The following GSTA4 variants were observed in gnomAD, a reference collection of about 807,000 sequenced individuals.
GSTA4 encodes glutathione S-transferase A4.
GSTA4 carries 15 observed loss-of-function variants against 24.4 expected under a neutral mutation model. The observed-to-expected ratio is 0.61, with a 90% CI of 0.41 to 0.95. The LOEUF (loss-of-function observed/expected upper bound fraction) is 0.95. Among genes scored for constraint, GSTA4 ranks in the 40% least tolerant of loss-of-function variants. The probability of loss-of-function intolerance (pLI) is 0.00; values close to 1 mark genes in which losing one functional copy is unlikely to be tolerated. For missense variants in GSTA4, 244 were observed against 262.1 expected, an observed-to-expected ratio of 0.93 and a Z score of 0.48; for synonymous variants, 92 against 94.2, an observed-to-expected ratio of 0.98 and a Z score of 0.13.
chr6:52,994,210 C>CGGAAG lies in GSTA4; in HGVS notation c.33_34insCTTCC (p.Gly12LeufsTer10). 1 of 1,613,672 alleles carries CGGAAG rather than the reference C, an allele frequency of 6.2e-7. No individual in the cohort carries two copies. The highest frequency in any genetic ancestry group is 8.5e-7 in the Non-Finnish European group (1 of 1,179,580). On this transcript the variant is annotated frameshift_variant, in exon 2 of 7. Transcript: ENST00000370963. LOFTEE classifies it high-confidence loss of function. ...CTCACGGACTCCATCCGGCCTCTTC[C>CGGAAG]GTTGGGATAGTGGAGCTTGGGCCTT...
chr6:52,993,954 A>G lies in GSTA4; in HGVS notation c.87+203T>C, dbSNP rs1262496323. ...AGATCAGAAGCCAATAATTAAGTAA[A>G]AGTCAAAAGGAAAATAGAATTCCAT... On this transcript the variant is annotated intron_variant, in intron 2 of 6. Coordinates refer to ENST00000370963, the MANE Select transcript of GSTA4 (RefSeq NM_001512.4). 2 of 668,458 alleles carry G rather than the reference A, an allele frequency of 3.0e-6. 1 individual carries two copies. Among genetic ancestry groups the G allele is most frequent in the Non-Finnish European group, 5.5e-6 (2 of 363,356 alleles). 41.4% of individuals were successfully genotyped at this position (668,458 alleles called of 1,614,324 possible).
chr6:52,984,693 T>TTC, intron 4 of GSTA4, 88 bp from the exon 5 acceptor site: 3 of 1,256,998 alleles, frequency 2.4e-6, no homozygotes, highest in Non-Finnish European at 2.3e-6. Flanking sequence ...CTTTTTTTTT[T>TTC]TTTTTTAAAG....
At chr6:52,985,710 A>G in intron 3 of GSTA4, 127 bp from the exon 4 acceptor site, 1 of 962,998 alleles carries the variant, frequency 1.0e-6, no homozygotes, top group Non-Finnish European at 1.6e-6. Flanking sequence ...AAGCTTCCAG[A>G]TGACAGATAA....
chr6:52,982,060 G>T (rs553262144), intron 6 of GSTA4, among the ~76,000 whole-genome samples: 1 of 152,212 alleles, frequency 6.6e-6, no homozygotes, highest in African/African-American at 2.4e-5. Context: ...ATAGCCTGAT[G>T]AATGAGACTG....
chr6:52,982,104 T>C (rs6904769), intron 6 of GSTA4, among the ~76,000 whole-genome samples: 25,955 of 152,154 alleles, frequency 0.17, 2,707 homozygotes, highest in Admixed American at 0.27. Flanking sequence ...ATTCCATCAG[T>C]AGATACATGT....
intron 6 of GSTA4, among the ~76,000 whole-genome samples, chr6:52,979,247 G>A (rs672281): frequency 0.57 from 86,711 of 152,006 alleles, 24,993 homozygotes; most frequent in East Asian, 0.74. Flanking sequence ...AACACCACTC[G>A]GACTAGCCAC....
At chr6:52,982,887 GAGA>G (rs1763480255) in intron 5 of GSTA4, among the ~76,000 whole-genome samples, 182 bp from the exon 6 acceptor site, 4 of 28,294 alleles carry the variant, frequency 1.4e-4, no homozygotes, top group Non-Finnish European at 2.9e-4. Flanking sequence ...GAGAGGGGGA[GAGA>G]GAGAGAGAGA....
chr6:52,982,384 T>C (rs551640923), intron 6 of GSTA4, among the ~76,000 whole-genome samples, 190 bp downstream of exon 6: 3 of 152,258 alleles, frequency 2.0e-5, no homozygotes, highest in African/African-American at 7.2e-5. Context: ...TCAATGATCT[T>C]TCAACTTGAA....
chr6:52,988,073 C>G (rs1763596277), intron 2 of GSTA4: 2 of 152,048 alleles, frequency 1.3e-5, no homozygotes, highest in African/African-American at 2.4e-5. Context: ...ATCACTGCCC[C>G]CTAAAAGGAA....
Position 52,984,505 on chromosome 6 carries a change from C to A in GSTA4, c.373G>T (p.Ala125Ser). The A allele has an allele frequency of 6.2e-7, 1 of 1,613,808 alleles. No individual in the cohort carries two copies. Among genetic ancestry groups the A allele is most frequent in the South Asian group, 1.1e-5 (1 of 91,034 alleles). Residue 125 changes from alanine (A) to serine (S), a missense_variant, in exon 5 of 7, where the codon GCC becomes TCC. Coordinates refer to ENST00000370963, the MANE Select transcript of GSTA4 (RefSeq NM_001512.4). The stretch of plus-strand genomic sequence containing the variant: ...AAGTATCTAATTATAGCCTTCTGGG[C>A]CATGTTAACCACTTCCTTTTGCTGA... ...DDQQKEVVNM[A>S]QKAIIRYFPV...
chr6:52,979,722 G>C (rs1019402728), intron 6 of GSTA4, among the ~76,000 whole-genome samples: 1 of 152,216 alleles, frequency 6.6e-6, no homozygotes, highest in Non-Finnish European at 1.5e-5. Context: ...GCAAGGCACA[G>C]CCTTAATTAA....
intron 6 of GSTA4, among the ~76,000 whole-genome samples, chr6:52,980,679 A>ACTT (rs1477025969): frequency 6.6e-6 from 1 of 152,196 alleles, no homozygotes; most frequent in African/African-American, 2.4e-5. Context: ...GGCCAAAGGT[A>ACTT]CTTCTAGTAC....
At chr6:52,992,501 T>G (rs1178016204) in intron 2 of GSTA4, among the ~76,000 whole-genome samples, 7 of 152,220 alleles carry the variant, frequency 4.6e-5, no homozygotes, top group Admixed American at 4.6e-4. Flanking sequence ...AGAGACTACC[T>G]TAACCATGTG....
chr6:52,987,491 C>T (rs976901713), intron 2 of GSTA4, 83 bp from the exon 3 acceptor site: 1 of 734,210 alleles, frequency 1.4e-6, no homozygotes, highest in Non-Finnish European at 2.4e-6. Flanking sequence ...TCATTTTCAG[C>T]AACACCAACA....
At chr6:52,994,308 T>C in intron 1 of GSTA4, 47 bp from the exon 2 acceptor site, 1 of 1,035,452 alleles carries the variant, frequency 9.7e-7, no homozygotes. Context: ...AGTCCCAATT[T>C]CGCGTCTTCA....
chr6:52,982,848 G>A lies in GSTA4; in HGVS notation c.415-143C>T, dbSNP rs764156003. On this transcript the variant is annotated intron_variant, in intron 5 of 6. Transcript: ENST00000370963. ...CATAAATAACATCAATTAAGAGAAC[G>A]CACCCTATATCTGACAGAGAGAGTG... 42 of 662,436 alleles carry A rather than the reference G, an allele frequency of 6.3e-5. No homozygotes were observed. The Middle Eastern group carries it at 9.8e-4, about 15-fold the overall frequency. 41.0% of individuals were successfully genotyped at this position (662,436 alleles called of 1,614,324 possible).
intron 6 of GSTA4, among the ~76,000 whole-genome samples, chr6:52,981,131 A>C (rs1296595335): frequency 6.6e-6 from 1 of 152,212 alleles, no homozygotes; most frequent in Non-Finnish European, 1.5e-5. Flanking sequence ...AAAAAATATA[A>C]ACTATAACAT....
intron 2 of GSTA4, among the ~76,000 whole-genome samples, chr6:52,988,770 G>T (rs943117914): frequency 6.6e-6 from 1 of 152,098 alleles, no homozygotes; most frequent in Admixed American, 6.5e-5. Context: ...CGGAAAATTT[G>T]AATATGGATT....
chr6:52,987,378 G>C lies in GSTA4; in HGVS notation c.118C>G (p.Gln40Glu), dbSNP rs555595790. 36 of 1,588,756 alleles carry C rather than the reference G, an allele frequency of 2.3e-5. No individual in the cohort carries two copies. The Admixed American group carries it at 5.0e-4, about 22-fold the overall frequency. ...TCACCATCCTGCAACTTGTACAACT[G>C]TTCTTTTGTTTCCAGAAATTCTTCA... is the stretch of plus-strand genomic sequence containing the variant. ...FDEEFLETKE[Q>E]LYKLQDGNHL... Residue 40 changes from glutamine (Q) to glutamate (E), a missense_variant, in exon 3 of 7, where the codon CAG becomes GAG. Gln to Glu is a conservative substitution (Grantham distance 29). Transcript: ENST00000370963.
Sources: allele counts gnomAD v4.1 joint callset (sites outside exome capture counted in the v4.1 genomes callset), GRCh38; gene constraint gnomAD v4.1.1; transcripts MANE v1.5; gene names NCBI Gene and HGNC (gene_info 2026-07-23, HGNC 2026-07-21).